Variants in PRR16 observed in about 807,000 individuals in gnomAD.
PRR16 encodes the protein proline rich 16.
A neutral mutation model predicts 18.2 loss-of-function variants in PRR16; 6 were observed. The ratio of observed to expected loss-of-function variants is 0.33; its 90% CI spans 0.18 to 0.65. PRR16 has a LOEUF of 0.65. Among genes scored for constraint, PRR16 ranks in the 30% least tolerant of loss-of-function variants. The pLI is 0.74. For missense variants in PRR16, 412 were observed against 376.6 expected (o/e 1.09, Z -0.78); for synonymous variants, 151 against 147.8 (o/e 1.02, Z -0.16).
intron 1 of PRR16, among the ~76,000 whole-genome samples, chr5:120,628,340 A>C (rs1448204541): frequency 6.6e-6 from 1 of 152,046 alleles, no homozygotes; most frequent in African/African-American, 2.4e-5. Flanking sequence ...GATATAAGTG[A>C]GACTGAGTGG....
At chr5:120,551,322 G>A (rs542183763) in intron 1 of PRR16, among the ~76,000 whole-genome samples, 39 of 152,016 alleles carry the variant, frequency 2.6e-4, no homozygotes, top group African/African-American at 9.2e-4. Flanking sequence ...GTTCATCCAT[G>A]TTTCTTCTTT....
At chr5:120,576,125 T>C (rs1255083425) in intron 1 of PRR16, among the ~76,000 whole-genome samples, 1 of 152,150 alleles carries the variant, frequency 6.6e-6, no homozygotes, top group Non-Finnish European at 1.5e-5. Context: ...AAGATTTTTT[T>C]CGATAAAACC....
chr5:120,746,756 T>C, the PRR16 span, among the ~76,000 whole-genome samples: 2 of 151,972 alleles, frequency 1.3e-5, no homozygotes, highest in African/African-American at 2.4e-5. Context: ...TTGAGAAACA[T>C]TGTAACGGAA....
At chr5:120,769,215 C>T in the PRR16 span, among the ~76,000 whole-genome samples, 56 of 151,730 alleles carry the variant, frequency 3.7e-4, no homozygotes, top group Middle Eastern at 3.4e-3. Flanking sequence ...GTATTTGATA[C>T]ACAAAAACTG....
chr5:120,743,487 T>C, the PRR16 span, among the ~76,000 whole-genome samples: 10 of 152,280 alleles, frequency 6.6e-5, no homozygotes, highest in African/African-American at 2.2e-4. Flanking sequence ...AATTTCAGAG[T>C]TATTGTTCTG....
chr5:120,693,879 A>C, the PRR16 span, among the ~76,000 whole-genome samples: 1 of 152,198 alleles, frequency 6.6e-6, no homozygotes, highest in African/African-American at 2.4e-5. Flanking sequence ...AATTTTATCT[A>C]ATCCTTCACA....
chr5:120,574,879 G>C (rs1341733045), intron 1 of PRR16, among the ~76,000 whole-genome samples: 4 of 148,690 alleles, frequency 2.7e-5, no homozygotes, highest in Non-Finnish European at 4.4e-5. Flanking sequence ...TTAAAACCTA[G>C]AAATTCCATT....
intron 1 of PRR16, among the ~76,000 whole-genome samples, chr5:120,544,241 A>G (rs1580707523): frequency 6.6e-6 from 1 of 152,176 alleles, no homozygotes; most frequent in Admixed American, 6.6e-5. Flanking sequence ...GCCCAGAGGA[A>G]TGCCAGATCT....
At chr5:120,702,555 G>C in the PRR16 span, among the ~76,000 whole-genome samples, 1 of 152,142 alleles carries the variant, frequency 6.6e-6, no homozygotes, top group Non-Finnish European at 1.5e-5. Context: ...GTCCCTGCGT[G>C]GTCTGACACC....
the PRR16 span, among the ~76,000 whole-genome samples, chr5:120,787,812 C>G: frequency 6.6e-6 from 1 of 152,032 alleles, no homozygotes; most frequent in Non-Finnish European, 1.5e-5. Context: ...TCTAGGCACG[C>G]TCCTCATCAA....
chr5:120,660,915 T>TTTGC (rs1232864154), intron 1 of PRR16, among the ~76,000 whole-genome samples: 2 of 152,086 alleles, frequency 1.3e-5, no homozygotes, highest in South Asian at 4.1e-4. Flanking sequence ...GTCAAGTCAT[T>TTTGC]TTGCTTTTTT....
chr5:120,498,837 T>C (rs984242352), intron 1 of PRR16, among the ~76,000 whole-genome samples: 1 of 152,056 alleles, frequency 6.6e-6, no homozygotes, highest in Non-Finnish European at 1.5e-5. Flanking sequence ...CATTTAAAAA[T>C]GGTATGGCAT....
chr5:120,672,078 T>TA (rs1356696270), intron 1 of PRR16, among the ~76,000 whole-genome samples: 1 of 152,146 alleles, frequency 6.6e-6, no homozygotes, highest in African/African-American at 2.4e-5. Context: ...AGACAAACCT[T>TA]AAGGGGCTAA....
chr5:120,609,249 T>C (rs1296213012), intron 1 of PRR16, among the ~76,000 whole-genome samples: 4 of 152,086 alleles, frequency 2.6e-5, no homozygotes, highest in African/African-American at 7.2e-5. Flanking sequence ...AAATGTACCA[T>C]TCAGTGGCAT....
At chr5:120,769,279 T>C in the PRR16 span, among the ~76,000 whole-genome samples, 2 of 151,838 alleles carry the variant, frequency 1.3e-5, no homozygotes, top group Admixed American at 1.3e-4. Context: ...AACACTATGA[T>C]ACCATCACCA....
At chr5:120,671,058 A>G (rs913297799) in intron 1 of PRR16, among the ~76,000 whole-genome samples, 1 of 151,990 alleles carries the variant, frequency 6.6e-6, no homozygotes, top group African/African-American at 2.4e-5. Context: ...GTCTTTACAC[A>G]CTTCCTCCTT....
chr5:120,580,306 A>C (rs890669070), intron 1 of PRR16, among the ~76,000 whole-genome samples: 3 of 152,060 alleles, frequency 2.0e-5, no homozygotes, highest in Admixed American at 6.6e-5. Context: ...CTTGTCTTGT[A>C]TCAGTTTTCA....
At chr5:120,748,042 T>C in the PRR16 span, among the ~76,000 whole-genome samples, 1 of 152,112 alleles carries the variant, frequency 6.6e-6, no homozygotes, top group Non-Finnish European at 1.5e-5. Flanking sequence ...TTTAAAAATG[T>C]GAATGATCCG....
chr5:120,750,771 A>T, the PRR16 span, among the ~76,000 whole-genome samples: 1 of 152,172 alleles, frequency 6.6e-6, no homozygotes, highest in Non-Finnish European at 1.5e-5. Flanking sequence ...GGTAATCGAG[A>T]TATTCACCAC....
Sources: gnomAD v4.1 joint callset for allele counts (sites outside exome capture counted in the v4.1 genomes callset) on GRCh38, gnomAD v4.1.1 for gene constraint, MANE v1.5 for transcripts, NCBI Gene and HGNC (gene_info 2026-07-23, HGNC 2026-07-21) for gene names.